Variants in MINDY4 observed in about 807,000 individuals in gnomAD.
MINDY4 encodes MINDY lysine 48 deubiquitinase 4, also known as probable ubiquitin carboxyl-terminal hydrolase MINDY-4.
A neutral mutation model predicts 87.0 loss-of-function variants in MINDY4; 68 were observed. That is an observed-to-expected ratio of 0.78 (90% CI 0.64 to 0.96). The LOEUF (loss-of-function observed/expected upper bound fraction) is 0.96. Ranked by LOEUF, MINDY4 falls within the 40% of genes least tolerant of loss-of-function variation. MINDY4 has a pLI of 0.00. For synonymous variants in MINDY4, 379 were observed against 363.2 expected, an observed-to-expected ratio of 1.04 and a Z score of -0.50; for missense variants, 919 against 928.2, an observed-to-expected ratio of 0.99 and a Z score of 0.13.
intron 6 of MINDY4, among the ~76,000 whole-genome samples, chr7:30,834,837 C>T (rs1788810152): frequency 6.6e-6 from 1 of 152,218 alleles, no homozygotes; most frequent in Admixed American, 6.5e-5. Flanking sequence ...AGGCAAAATG[C>T]TGCCAATCTC....
At chr7:30,845,518 TAAA>T (rs78323541) in intron 9 of MINDY4, among the ~76,000 whole-genome samples, 7 of 129,910 alleles carry the variant, frequency 5.4e-5, no homozygotes, top group Non-Finnish European at 5.0e-5. Flanking sequence ...TGATCCAGCT[TAAA>T]AAAAAAAAAA....
In MINDY4 at chr7:30,791,223, C is replaced by G; in HGVS notation, c.722C>G (p.Pro241Arg). The G allele has an allele frequency of 1.2e-6, 2 of 1,614,156 alleles. No individual in the cohort carries two copies. Among genetic ancestry groups the G allele is most frequent in the Non-Finnish European group, 1.7e-6 (2 of 1,180,036 alleles). ...TCACCGTCAAGCAGCTCCACCCAACCCCAAGAAGAGAGCCGGAAGGTCCCT... is the reference window on the plus strand; with the variant it reads ...TCACCGTCAAGCAGCTCCACCCAACGCCAAGAAGAGAGCCGGAAGGTCCCT... ...RSSPSSSSTQ[P>R]QEESRKVPEL... The change falls in exon 5 of 18, where the codon CCC (proline) becomes CGC (arginine). Residue 241 changes from proline (P) to arginine (R), a missense_variant. By Grantham distance (103) the Pro-to-Arg change is moderately radical. Coordinates refer to ENST00000265299, the MANE Select transcript of MINDY4 (RefSeq NM_032222.3).
At chr7:30,859,649 GA>G (rs1464161009) in intron 13 of MINDY4, among the ~76,000 whole-genome samples, 2 of 152,228 alleles carry the variant, frequency 1.3e-5, no homozygotes, top group Non-Finnish European at 2.9e-5. Flanking sequence ...TTGTGCAGGG[GA>G]TGGACAATTG....
intron 17 of MINDY4, among the ~76,000 whole-genome samples, chr7:30,891,682 C>T (rs1225489837): frequency 2.0e-5 from 3 of 152,196 alleles, no homozygotes; most frequent in African/African-American, 7.2e-5. Flanking sequence ...GAGGGCCCAG[C>T]AGTGCCAGGC....
chr7:30,843,281 T>C (rs2128568148), intron 9 of MINDY4, among the ~76,000 whole-genome samples: 1 of 150,950 alleles, frequency 6.6e-6, no homozygotes, highest in South Asian at 2.1e-4. Flanking sequence ...GTGAGAGGAG[T>C]GGAGGAGTCA....
rs936338801 is a variant in MINDY4 at position 30,778,685 on chromosome 7, G to T, written c.183+134G>T. 10 of 1,067,338 alleles carry T rather than the reference G, an allele frequency of 9.4e-6. No homozygotes were observed. In the Admixed American group the frequency reaches 1.2e-4, roughly 12 times the overall value. 66.1% of individuals were successfully genotyped at this position (1,067,338 alleles called of 1,614,324 possible). On this transcript the variant is annotated intron_variant, in intron 2 of 17. Transcript: ENST00000265299. ...GTCACACTTGCGGTCAGAGAGAAACGGACCCCCCAAATGTGGACAGATCCC... is the reference window on the plus strand; with the variant it reads ...GTCACACTTGCGGTCAGAGAGAAACTGACCCCCCAAATGTGGACAGATCCC...
In MINDY4 at chr7:30,785,714, G is replaced by A. The variant is rs754316959; in HGVS notation, c.420-35G>A. ...ATCTTTGTTACTGATTCCTTTTGGGGAGTCTGTTTTAATGGAAATATTCCT... is the reference window on the plus strand; with the variant it reads ...ATCTTTGTTACTGATTCCTTTTGGGAAGTCTGTTTTAATGGAAATATTCCT... On this transcript the variant is annotated intron_variant, in intron 3 of 17. Coordinates refer to ENST00000265299, the MANE Select transcript of MINDY4 (RefSeq NM_032222.3). 1.4e-5 allele frequency: 23 copies of A among 1,610,850 alleles called. No individual in the cohort carries two copies. In the Admixed American group the frequency reaches 3.0e-4, roughly 21 times the overall value.
intron 5 of MINDY4, among the ~76,000 whole-genome samples, chr7:30,810,675 T>TG (rs1255058607): frequency 6.6e-6 from 1 of 152,160 alleles, no homozygotes. Flanking sequence ...TCTTACCTTA[T>TG]GGTCCAACAT....
rs759284557 is a variant in MINDY4, at chr7:30,781,997, A to G, written c.204A>G (p.Lys68=). 2 of 1,613,352 alleles carry G rather than the reference A, an allele frequency of 1.2e-6. No individual in the cohort carries two copies. Among genetic ancestry groups the G allele is most frequent in the East Asian group, 4.5e-5 (2 of 44,858 alleles). The change falls in exon 3 of 18, where the codon AAA becomes AAG. Residue 68 remains lysine (K), a synonymous_variant. Transcript: ENST00000265299. ...GATAGGCAAAGGAAAATCCTCTAAAAACAAGCCTTGAACTCATCACCAGAT... is the reference window on the plus strand; with the variant it reads ...GATAGGCAAAGGAAAATCCTCTAAAGACAAGCCTTGAACTCATCACCAGAT... The part of the protein sequence containing the change: ...KENKAKENPL[K]TSLELITRYF...
intron 9 of MINDY4, among the ~76,000 whole-genome samples, chr7:30,846,097 G>A (rs1159035518): frequency 6.6e-6 from 1 of 152,158 alleles, no homozygotes; most frequent in Non-Finnish European, 1.5e-5. Context: ...CTCTGAAGTT[G>A]GGGAATTCGA....
intron 13 of MINDY4, among the ~76,000 whole-genome samples, chr7:30,863,102 C>T (rs1003132919): frequency 1.4e-4 from 21 of 152,148 alleles, no homozygotes; most frequent in African/African-American, 2.9e-4. Context: ...TTAAAAACCT[C>T]GGGACCAGAT....
chr7:30,866,312 A>G (rs1789934259), intron 13 of MINDY4, among the ~76,000 whole-genome samples: 1 of 152,182 alleles, frequency 6.6e-6, no homozygotes, highest in South Asian at 2.1e-4. Context: ...GGGAGAGGTA[A>G]TTAACCTGCT....
At chr7:30,852,190 C>T (rs765368985) in intron 10 of MINDY4, 26 bp from the exon 11 acceptor site, 1 of 1,614,066 alleles carries the variant, frequency 6.2e-7, no homozygotes, top group Admixed American at 1.7e-5. Context: ...ACTCAGAGGA[C>T]TCATGCACCT....
chr7:30,854,036 G>T (rs1172434256), intron 12 of MINDY4, among the ~76,000 whole-genome samples: 2 of 152,196 alleles, frequency 1.3e-5, no homozygotes, highest in African/African-American at 4.8e-5. Flanking sequence ...TGGGCGGGAC[G>T]TGGCCAGGGC....
intron 17 of MINDY4, among the ~76,000 whole-genome samples, chr7:30,884,661 G>A (rs1036760329): frequency 3.9e-5 from 6 of 152,184 alleles, no homozygotes; most frequent in African/African-American, 1.4e-4. Context: ...CTCCCAGGGG[G>A]TGGCCCACCA....
intron 3 of MINDY4, among the ~76,000 whole-genome samples, chr7:30,784,399 G>C (rs1350983587): frequency 6.6e-6 from 1 of 152,074 alleles, no homozygotes; most frequent in African/African-American, 2.4e-5. Context: ...CACCGGCGAG[G>C]GCCTCAGTTC....
intron 6 of MINDY4, 127 bp downstream of exon 6, chr7:30,828,864 A>G (rs1788601670): frequency 2.5e-6 from 2 of 793,882 alleles, no homozygotes; most frequent in Admixed American, 4.0e-5. Flanking sequence ...GGGGCTGGTC[A>G]AGTGAGTAGA....
rs536283558 is a variant in MINDY4 at position 30,882,956 on chromosome 7, G to A, written c.2188G>A (p.Asp730Asn). Reference protein sequence around the residue: ...TQTISEDTDNDLVPPLELCIR... With the variant: ...TQTISEDTDNNLVPPLELCIR... Reference sequence around the variant, plus strand: ...AACCATCTCTGAGGACACAGACAACGACCTTGTCCCACCCCTCGAGCTCTG... The same window carrying A: ...AACCATCTCTGAGGACACAGACAACAACCTTGTCCCACCCCTCGAGCTCTG... The change falls in exon 17 of 18, where the codon GAC (aspartate) becomes AAC (asparagine). Residue 730 changes from aspartate to asparagine, a missense_variant. Transcript: ENST00000265299. The A allele has an allele frequency of 3.7e-5, 59 of 1,614,048 alleles. No individual in the cohort carries two copies. In the East Asian group the frequency reaches 7.6e-4, roughly 21 times the overall value.
At chr7:30,874,267 C>A (rs1790195740) in intron 14 of MINDY4, among the ~76,000 whole-genome samples, 1 of 152,218 alleles carries the variant, frequency 6.6e-6, no homozygotes, top group Non-Finnish European at 1.5e-5. Context: ...CCCTTAGAGG[C>A]CACCCTTCAT....
Sources: gnomAD v4.1 joint callset for allele counts (sites outside exome capture counted in the v4.1 genomes callset) on GRCh38, gnomAD v4.1.1 for gene constraint, MANE v1.5 for transcripts, NCBI Gene and HGNC (gene_info 2026-07-23, HGNC 2026-07-21) for gene names.